The following PCDHGA3 variants were observed in gnomAD, a reference collection of about 807,000 sequenced individuals.
PCDHGA3 encodes the protein protocadherin gamma-A3.
PCDHGA3 carries 40 observed loss-of-function variants against 58.5 expected under a neutral mutation model. The observed-to-expected ratio is 0.68, with a 90% CI of 0.53 to 0.89. The LOEUF (loss-of-function observed/expected upper bound fraction) is 0.89, where lower values mean the gene tolerates loss of function less well. Among genes scored for constraint, PCDHGA3 ranks in the 40% least tolerant of loss-of-function variants. The pLI, the probability that PCDHGA3 is intolerant of heterozygous loss-of-function variation, is 0.00. For synonymous variants in PCDHGA3, 530 were observed against 525.7 expected (o/e 1.01, Z -0.11); for missense variants, 1,223 against 1,195.9 (o/e 1.02, Z -0.33).
At chr5:141,445,269 C>A (rs535300313) in intron 1 of PCDHGA3, among the ~76,000 whole-genome samples, 1 of 152,260 alleles carries the variant, frequency 6.6e-6, no homozygotes, top group Non-Finnish European at 1.5e-5. Flanking sequence ...AAGTCGAAAC[C>A]ACTCTGCATA....
chr5:141,376,233 A>G lies in PCDHGA3; in HGVS notation c.2424+29776A>G, dbSNP rs2159258. 2.7e-3 allele frequency: 4,327 copies of G among 1,614,166 alleles called. 84 individuals carry two copies. In the African/African-American group the frequency reaches 0.046, roughly 17 times the overall value. Reference sequence around the variant, plus strand: ...ATCGTGCTGCTGGCGCTCAGACTGCAGCGCTGGCACAAGTCACGCCTGCTG... The same window carrying G: ...ATCGTGCTGCTGGCGCTCAGACTGCGGCGCTGGCACAAGTCACGCCTGCTG... On this transcript the variant is annotated intron_variant, in intron 1 of 3. Coordinates refer to ENST00000253812, the MANE Select transcript of PCDHGA3 (RefSeq NM_018916.4).
intron 1 of PCDHGA3, chr5:141,375,081 T>C (rs1588758093): frequency 1.9e-6 from 3 of 1,613,960 alleles, no homozygotes; most frequent in Non-Finnish European, 2.5e-6. Context: ...AGAGCGAAAG[T>C]CTTAATAACT....
chr5:141,375,938 G>A (rs1772064836), intron 1 of PCDHGA3: 1 of 1,613,558 alleles, frequency 6.2e-7, no homozygotes, highest in African/African-American at 1.3e-5. Flanking sequence ...ACTTTTCTCA[G>A]TGGGCCTGCA....
intron 1 of PCDHGA3, chr5:141,383,037 A>G: frequency 6.2e-7 from 1 of 1,613,816 alleles, no homozygotes; most frequent in Non-Finnish European, 8.5e-7. Context: ...CCTTTGTGGG[A>G]GACATCGCCA....
At chr5:141,409,325 G>A (rs2095255437) in intron 1 of PCDHGA3, 1 of 1,613,984 alleles carries the variant, frequency 6.2e-7, no homozygotes, top group Non-Finnish European at 8.5e-7. Context: ...ACGGGATCTG[G>A]ATTTCGGAGG....
chr5:141,394,132 T>C, intron 1 of PCDHGA3: 1 of 1,613,980 alleles, frequency 6.2e-7, no homozygotes, highest in Non-Finnish European at 8.5e-7. Flanking sequence ...CAAATCGCTC[T>C]GCACGTGGCA....
intron 1 of PCDHGA3, chr5:141,403,027 G>A: frequency 6.2e-7 from 1 of 1,614,070 alleles, no homozygotes; most frequent in East Asian, 2.2e-5. Context: ...TGCTATGGGA[G>A]GCCAGGGCCA....
chr5:141,461,371 G>C (rs755281402), intron 1 of PCDHGA3, among the ~76,000 whole-genome samples: 1 of 152,084 alleles, frequency 6.6e-6, no homozygotes, highest in Non-Finnish European at 1.5e-5. Context: ...GTTTTAATTT[G>C]CATTTTCCTG....
intron 1 of PCDHGA3, chr5:141,370,631 C>A (rs1192871928): frequency 6.2e-7 from 1 of 1,613,710 alleles, no homozygotes; most frequent in South Asian, 1.1e-5. Flanking sequence ...CCGTGAGCCC[C>A]GAAAATGGGA....
chr5:141,344,015 G>C lies in PCDHGA3; in HGVS notation c.-19G>C, dbSNP rs758846565. 8 of 1,514,446 alleles carry C rather than the reference G, an allele frequency of 5.3e-6. No individual in the cohort carries two copies. The highest frequency in any genetic ancestry group is 8.8e-7 in the Non-Finnish European group (1 of 1,132,626). 93.8% of individuals were successfully genotyped at this position (1,514,446 alleles called of 1,614,324 possible). ...GAAACTGGAACCGAATTCAGAGAAA[G>C]CGATTCACCGAAAAGGAAATGACCA... is the stretch of plus-strand genomic sequence containing the variant. On this transcript the variant is annotated 5_prime_UTR_variant, in exon 1 of 4. Coordinates refer to ENST00000253812, the MANE Select transcript of PCDHGA3 (RefSeq NM_018916.4).
chr5:141,472,853 G>A (rs1283601489), intron 1 of PCDHGA3, among the ~76,000 whole-genome samples: 1 of 151,738 alleles, frequency 6.6e-6, no homozygotes, highest in Non-Finnish European at 1.5e-5. Flanking sequence ...GGGCATGGTG[G>A]CACATGCCTG....
intron 1 of PCDHGA3, chr5:141,442,416 T>A (rs2098323395): frequency 6.6e-6 from 1 of 152,206 alleles, no homozygotes; most frequent in Non-Finnish European, 1.5e-5. Flanking sequence ...CTGAGTGAAC[T>A]TCTTTTTTGA....
chr5:141,366,865 G>C, intron 1 of PCDHGA3: 2 of 1,405,810 alleles, frequency 1.4e-6, no homozygotes, highest in South Asian at 2.9e-5. Flanking sequence ...ATTATTTGCT[G>C]TATTGGAGAT....
intron 1 of PCDHGA3, chr5:141,372,153 C>T: frequency 6.2e-7 from 1 of 1,613,800 alleles, no homozygotes; most frequent in East Asian, 2.2e-5. Context: ...GCCTGGCTAC[C>T]TGGTGACCAA....
chr5:141,429,547 A>C (rs2097222392), intron 1 of PCDHGA3, among the ~76,000 whole-genome samples: 1 of 152,196 alleles, frequency 6.6e-6, no homozygotes, highest in Non-Finnish European at 1.5e-5. Flanking sequence ...AGAACATGGT[A>C]ATGATTTGAT....
At chr5:141,414,899 G>C (rs756810046) in intron 1 of PCDHGA3, 4 of 1,614,182 alleles carry the variant, frequency 2.5e-6, no homozygotes, top group Non-Finnish European at 3.4e-6. Context: ...CCCACAGACG[G>C]TTCCACAGGC....
chr5:141,376,590 G>A (rs569935512), intron 1 of PCDHGA3: 9 of 1,570,160 alleles, frequency 5.7e-6, no homozygotes, highest in South Asian at 4.7e-5. Context: ...CAGCTAGATC[G>A]GCTGTTATAG....
chr5:141,497,740 C>T (rs954595046), intron 2 of PCDHGA3, among the ~76,000 whole-genome samples: 1 of 152,054 alleles, frequency 6.6e-6, no homozygotes, highest in South Asian at 2.1e-4. Context: ...GGTTTCGCCA[C>T]GTTGGCCAGG....
At chr5:141,414,947 T>C (rs1422289231) in intron 1 of PCDHGA3, 1 of 1,614,052 alleles carries the variant, frequency 6.2e-7, no homozygotes, top group Non-Finnish European at 8.5e-7. Context: ...CCCGGCTACC[T>C]GGTGACCAAG....
Sources: gnomAD v4.1 joint callset for allele counts (sites outside exome capture counted in the v4.1 genomes callset) on GRCh38, gnomAD v4.1.1 for gene constraint, MANE v1.5 for transcripts, NCBI Gene and HGNC (gene_info 2026-07-23, HGNC 2026-07-21) for gene names.